Variants in NCF2 observed in about 807,000 individuals in gnomAD.
The protein encoded by NCF2 is neutrophil cytosol factor 2.
NCF2 carries 45 observed loss-of-function variants against 70.9 expected under a neutral mutation model. The ratio of observed to expected loss-of-function variants is 0.63; its 90% confidence interval spans 0.50 to 0.81. NCF2 has a LOEUF of 0.81. Among genes scored for constraint, NCF2 ranks in the 40% least tolerant of loss-of-function variants. The probability of loss-of-function intolerance (pLI) is 0.00; values close to 1 mark genes in which losing one functional copy is unlikely to be tolerated. For synonymous variants in NCF2, 203 were observed against 233.6 expected, an observed-to-expected ratio of 0.87 and a Z score of 1.19; for missense variants, 522 against 631.6, an observed-to-expected ratio of 0.83 and a Z score of 1.86.
At chr1:183,593,625 A>G (rs1038445335), upstream of NCF2, among the ~76,000 whole-genome samples, 1 of 152,106 alleles carries the variant, frequency 6.6e-6, no homozygotes, top group African/African-American at 2.4e-5. Flanking sequence ...TTCCTCAATG[A>G]GTGGCCTTTC....
chr1:183,586,762 T>C (rs1364348465), intron 2 of NCF2, 133 bp downstream of exon 2: 19 of 815,720 alleles, frequency 2.3e-5, no homozygotes, highest in Non-Finnish European at 3.4e-5. Context: ...ATTGCATAAC[T>C]GTCCCCAGAA....
upstream of NCF2, among the ~76,000 whole-genome samples, chr1:183,593,802 C>T (rs181126652): frequency 2.1e-4 from 32 of 152,296 alleles, no homozygotes; most frequent in Middle Eastern, 3.4e-3. Context: ...ACTGTCCATT[C>T]GCCTTCCTCC....
chr1:183,564,114 C>G (rs2102884310), intron 10 of NCF2, 84 bp from the exon 11 acceptor site: 3 of 1,356,862 alleles, frequency 2.2e-6, no homozygotes, highest in Non-Finnish European at 3.2e-6. Flanking sequence ...CAGATGAAAC[C>G]TCTTCAAATA....
At chr1:183,597,403 CA>C in the NCF2 span, among the ~76,000 whole-genome samples, 4 of 152,064 alleles carry the variant, frequency 2.6e-5, no homozygotes, top group African/African-American at 9.7e-5. Flanking sequence ...CGTCATTGTA[CA>C]AAAAAGCGGA....
At chr1:183,561,366 A>G (rs3843292) in intron 13 of NCF2, among the ~76,000 whole-genome samples, 1,822 of 152,268 alleles carry the variant, frequency 0.012, 39 homozygotes, top group African/African-American at 0.041. Context: ...CCACAGAGAA[A>G]GGTTTGTATC....
intron 13 of NCF2, among the ~76,000 whole-genome samples, chr1:183,561,672 G>T (rs866757910): frequency 1.3e-5 from 2 of 149,476 alleles, no homozygotes; most frequent in Admixed American, 6.7e-5. Context: ...TACAGATGGG[G>T]TTTCACCATG....
intron 3 of NCF2, among the ~76,000 whole-genome samples, chr1:183,576,053 AT>A (rs1672787941): frequency 6.6e-6 from 1 of 152,210 alleles, no homozygotes; most frequent in African/African-American, 2.4e-5. Context: ...CTCTTAAGAC[AT>A]TTCTCTACAA....
At chr1:183,565,263 T>C (rs1672250350) in intron 10 of NCF2, among the ~76,000 whole-genome samples, 1 of 152,210 alleles carries the variant, frequency 6.6e-6, no homozygotes, top group Non-Finnish European at 1.5e-5. Context: ...CCATTTCACA[T>C]CTGCCCATTG....
chr1:183,577,862 T>C lies in NCF2; in HGVS notation c.258-155A>G, dbSNP rs13306576. 8.7e-4 allele frequency among the ~76,000 whole-genome samples: 132 copies of C among 152,270 alleles called. 4 individuals are homozygous for C. In the East Asian group the frequency reaches 0.023, roughly 27 times the overall value. ...TGTTCTAGTTTTCAGCAACCCTGAGTCCAAGTATTCTATACAACTCCTTGG... is the reference window on the plus strand; with the variant it reads ...TGTTCTAGTTTTCAGCAACCCTGAGCCCAAGTATTCTATACAACTCCTTGG... On this transcript the variant is annotated intron_variant, in intron 2 of 14. Transcript: ENST00000367535.
chr1:183,565,572 G>T, intron 10 of NCF2, 132 bp downstream of exon 10: 1 of 857,078 alleles, frequency 1.2e-6, no homozygotes, highest in Non-Finnish European at 1.9e-6. Context: ...CTGGGGCTGC[G>T]TGGTCATTAG....
chr1:183,587,317 G>A (rs1266996634), intron 1 of NCF2, among the ~76,000 whole-genome samples: 2 of 152,092 alleles, frequency 1.3e-5, no homozygotes, highest in Admixed American at 1.3e-4. Context: ...ATAATTCCCA[G>A]GTGCGGTTGC....
At position 183,564,121 on chromosome 1, in the gene NCF2, A is replaced by G. The variant is rs72550877; in HGVS notation, c.1001-91T>C. The G allele has an allele frequency of 2.9e-5, 37 of 1,275,792 alleles. No homozygotes were observed. The African/African-American group carries it at 3.7e-4, about 13-fold the overall frequency. 79.0% of individuals were successfully genotyped at this position (1,275,792 alleles called of 1,614,324 possible). On this transcript the variant is annotated intron_variant, in intron 10 of 14. Transcript: ENST00000367535. Reference sequence around the variant, plus strand: ...GCCACACACAGATGAAACCTCTTCAAATAGGGCCCCCAACCTCTTACCCTT... The same window carrying G: ...GCCACACACAGATGAAACCTCTTCAGATAGGGCCCCCAACCTCTTACCCTT...
At chr1:183,557,450 T>C (rs1355992201) in intron 14 of NCF2, among the ~76,000 whole-genome samples, 1 of 152,160 alleles carries the variant, frequency 6.6e-6, no homozygotes, top group Non-Finnish European at 1.5e-5. Context: ...AAATCCCAGA[T>C]CCAAACCAGA....
chr1:183,556,368 C>CA (rs964574355), intron 14 of NCF2, 138 bp from the exon 15 acceptor site: 12 of 772,560 alleles, frequency 1.6e-5, no homozygotes. Flanking sequence ...GACAGTATTG[C>CA]AAAGTGGTTT....
rs1672701947 is a variant in NCF2, at chr1:183,574,352, A to C, written c.501+135T>G. ...CAGATTCAAGATCTTAAGTGGAACTATACCCTAAGATCAGTGTTACCCAGA... is the reference window on the plus strand; with the variant it reads ...CAGATTCAAGATCTTAAGTGGAACTCTACCCTAAGATCAGTGTTACCCAGA... On this transcript the variant is annotated intron_variant, in intron 4 of 14. Coordinates refer to ENST00000367535, the MANE Select transcript of NCF2 (RefSeq NM_000433.4). 1.2e-5 allele frequency: 15 copies of C among 1,304,150 alleles called. No homozygotes were observed. In the South Asian group the frequency reaches 1.7e-4, roughly 14 times the overall value. 80.8% of individuals were successfully genotyped at this position (1,304,150 alleles called of 1,614,324 possible).
At chr1:183,596,911 C>T in the NCF2 span, among the ~76,000 whole-genome samples, 2 of 152,150 alleles carry the variant, frequency 1.3e-5, no homozygotes, top group Non-Finnish European at 2.9e-5. Context: ...TATGATCAAA[C>T]CCCAAAACAC....
At chr1:183,597,554 T>C in the NCF2 span, among the ~76,000 whole-genome samples, 1 of 152,216 alleles carries the variant, frequency 6.6e-6, no homozygotes, top group Admixed American at 6.5e-5. Context: ...CTATTGATCC[T>C]GTCACCCAAA....
rs146967039 is a variant in NCF2, at chr1:183,578,972, G to A, written c.258-1265C>T. The stretch of plus-strand genomic sequence containing the variant: ...TCACTCCACTCAGTCCCCTGACCTG[G>A]CAGGAACAAATTTGGCTGCCTGGTT... On this transcript the variant is annotated intron_variant, in intron 2 of 14. Transcript: ENST00000367535. 8.7e-4 allele frequency among the ~76,000 whole-genome samples: 133 copies of A among 152,360 alleles called. 2 individuals are homozygous for A. The East Asian group carries it at 0.019, about 21-fold the overall frequency.
At chr1:183,592,041 G>GATAC (rs1673677918), upstream of NCF2, among the ~76,000 whole-genome samples, 1 of 152,164 alleles carries the variant, frequency 6.6e-6, no homozygotes, top group Non-Finnish European at 1.5e-5. Context: ...GGGGTAAAGG[G>GATAC]TATAGCCAAT....
Sources: gnomAD v4.1 joint callset for allele counts (sites outside exome capture counted in the v4.1 genomes callset) on GRCh38, gnomAD v4.1.1 for gene constraint, MANE v1.5 for transcripts, NCBI Gene and HGNC (gene_info 2026-07-23, HGNC 2026-07-21) for gene names.